Variants in ACOX2 observed in about 807,000 individuals in gnomAD.
The protein encoded by ACOX2 is peroxisomal acyl-coenzyme A oxidase 2.
A neutral mutation model predicts 77.5 loss-of-function variants in ACOX2; 59 were observed. The observed-to-expected ratio is 0.76, with a 90% CI of 0.62 to 0.95. The LOEUF is 0.95. Ranked by LOEUF, ACOX2 falls within the 40% of genes least tolerant of loss-of-function variation. The pLI is 0.00. For synonymous variants in ACOX2, 317 were observed against 340.1 expected (o/e 0.93, Z 0.75); for missense variants, 837 against 880.4 (o/e 0.95, Z 0.62).
chr3:58,519,464 G>A lies in ACOX2; in HGVS notation c.1633-2041C>T, dbSNP rs1374098753. ...TTGGGGGAAAGGTCATTCCAGGCAG[G>A]GGGAGCTTTATGTGCAAAAGGCTGT... On this transcript the variant is annotated intron_variant, in intron 12 of 14. Transcript: ENST00000302819. This position sits in a 1 kb window ranked among gnomAD's most constrained non-coding sequence, Gnocchi z 5.0. Among the ~76,000 whole-genome samples the A allele has an allele frequency of 6.6e-6, 1 of 152,142 alleles. No individual in the cohort carries two copies. Among genetic ancestry groups the A allele is most frequent in the African/African-American group, 2.4e-5 (1 of 41,426 alleles).
rs145687445 is a variant in ACOX2, at chr3:58,533,646, C to T, written c.476-94G>A. 541 of 1,172,394 alleles carry T rather than the reference C, an allele frequency of 4.6e-4. No homozygotes were observed. Among genetic ancestry groups the T allele is most frequent in the Middle Eastern group, 4.2e-3 (21 of 4,978 alleles). 72.6% of individuals were successfully genotyped at this position (1,172,394 alleles called of 1,614,324 possible). ...GTGGGTCTGAACTCTTAGGCATCAG[C>T]GCAGTATGGAGTGGGGCCCAGCTCC... On this transcript the variant is annotated intron_variant, in intron 4 of 14. Coordinates refer to ENST00000302819, the MANE Select transcript of ACOX2 (RefSeq NM_003500.4). This position sits in a 1 kb window ranked among gnomAD's most constrained non-coding sequence, Gnocchi z 5.6.
At chr3:58,529,701 C>T (rs2063422687) in intron 8 of ACOX2, among the ~76,000 whole-genome samples, 2 of 152,204 alleles carry the variant, frequency 1.3e-5, no homozygotes, top group Admixed American at 6.5e-5. Context: ...GAAGCCCAGG[C>T]CAGGCGAGGG....
At chr3:58,532,855 C>T (rs1004245446) in intron 5 of ACOX2, among the ~76,000 whole-genome samples, 4 of 152,170 alleles carry the variant, frequency 2.6e-5, no homozygotes, top group Non-Finnish European at 5.9e-5. Context: ...GTGAAATTCT[C>T]AAGTTTGAGG....
Position 58,531,292 on chromosome 3 carries a change from C to T in ACOX2, c.778G>A (p.Val260Met). 2 of 1,613,570 alleles carry T rather than the reference C, an allele frequency of 1.2e-6. No individual in the cohort carries two copies. Among genetic ancestry groups the T allele is most frequent in the Non-Finnish European group, 8.5e-7 (1 of 1,180,020 alleles). ...TDNGFLQLNH[V>M]RVPRENMLSR... ...AGCATGTTCTCCCTGGGGACCCGCA[C>T]ATGGTTCAGCTGCAGGAAGCCATTG... Residue 260 changes from valine to methionine, a missense_variant, in exon 7 of 15, where the codon GTG (valine) becomes ATG (methionine). Transcript: ENST00000302819. This position sits in a 1 kb window ranked among gnomAD's most constrained non-coding sequence, Gnocchi z 5.8.
At chr3:58,513,633 GT>G (rs149453487) in intron 13 of ACOX2, among the ~76,000 whole-genome samples, 44 of 142,064 alleles carry the variant, frequency 3.1e-4, no homozygotes, top group East Asian at 1.0e-3. Flanking sequence ...AGATATCACT[GT>G]TTTTTTTTTT....
rs1444995459 is a variant in ACOX2 at position 58,528,425 on chromosome 3, C to A, written c.1155+369G>T. On this transcript the variant is annotated intron_variant, in intron 9 of 14. Coordinates refer to ENST00000302819, the MANE Select transcript of ACOX2 (RefSeq NM_003500.4). The surrounding 1 kb of genome is among the most constrained non-coding windows in gnomAD (Gnocchi z 5.6). ...ATTAAACACATTAATAATTTTACTGCAAAATGTATTCACACTCAGAGGGAT... is the reference window on the plus strand; with the variant it reads ...ATTAAACACATTAATAATTTTACTGAAAAATGTATTCACACTCAGAGGGAT... Among the ~76,000 whole-genome samples, 2 of 152,170 alleles carry A rather than the reference C, an allele frequency of 1.3e-5. No homozygotes were observed. The highest frequency in any genetic ancestry group is 2.9e-5 in the Non-Finnish European group (2 of 68,032).
In ACOX2 at chr3:58,524,120, G is replaced by C. The variant is rs2063377809; in HGVS notation, c.1526+306C>G. 6.6e-6 allele frequency among the ~76,000 whole-genome samples: 1 copy of C among 152,056 alleles called. No individual in the cohort carries two copies. The highest frequency in any genetic ancestry group is 1.5e-5 in the Non-Finnish European group (1 of 68,016). ...AATACATTTGGAGTATTTACATATG[G>C]GTACATTCGTTGTATTGCAAATCAC... On this transcript the variant is annotated intron_variant, in intron 11 of 14. Transcript: ENST00000302819. This position sits in a 1 kb window ranked among gnomAD's most constrained non-coding sequence, Gnocchi z 5.5.
rs542993646 is a variant in ACOX2, at chr3:58,524,592, T to C, written c.1360A>G (p.Ser454Gly). The change falls in exon 11 of 15, where the codon AGC becomes GGC. Residue 454 changes from serine (S) to glycine (G), a missense_variant. Transcript: ENST00000302819. This position sits in a 1 kb window ranked among gnomAD's most constrained non-coding sequence, Gnocchi z 5.5. Reference sequence around the variant, plus strand: ...GGGGACATCTGAGTCTGCAGGTAGCTCTTCACCAGGAACCTGGGGGTTGGA... The same window carrying C: ...GGGGACATCTGAGTCTGCAGGTAGCCCTTCACCAGGAACCTGGGGGTTGGA... The part of the protein sequence containing the change: ...YLQVARFLVK[S>G]YLQTQMSPGS... 13 of 1,613,954 alleles carry C rather than the reference T, an allele frequency of 8.1e-6. No homozygotes were observed. The African/African-American group carries it at 1.7e-4, about 22-fold the overall frequency.
In ACOX2 at chr3:58,534,931, C is replaced by T. The variant is rs530622705; in HGVS notation, c.160+16G>A. 1 of 1,613,980 alleles carries T rather than the reference C, an allele frequency of 6.2e-7. No homozygotes were observed. Among genetic ancestry groups the T allele is most frequent in the Non-Finnish European group, 8.5e-7 (1 of 1,179,850 alleles). On this transcript the variant is annotated intron_variant, in intron 2 of 14. Transcript: ENST00000302819. The surrounding 1 kb of genome is among the most constrained non-coding windows in gnomAD (Gnocchi z 4.8). ...GGGGCATAAAACAGATGTCCCATTCCCCAGCTTCCCCTTACCAACTTTCCT... is the reference window on the plus strand; with the variant it reads ...GGGGCATAAAACAGATGTCCCATTCTCCAGCTTCCCCTTACCAACTTTCCT...
rs1237631666 is a variant in ACOX2 at position 58,524,856 on chromosome 3, C to G, written c.1347-251G>C. Among the ~76,000 whole-genome samples, 1 of 152,206 alleles carries G rather than the reference C, an allele frequency of 6.6e-6. No homozygotes were observed. Among genetic ancestry groups the G allele is most frequent in the African/African-American group, 2.4e-5 (1 of 41,448 alleles). On this transcript the variant is annotated intron_variant, in intron 10 of 14. Coordinates refer to ENST00000302819, the MANE Select transcript of ACOX2 (RefSeq NM_003500.4). The surrounding 1 kb of genome is among the most constrained non-coding windows in gnomAD (Gnocchi z 5.5). ...ACACTCTCTGATCCTGAACATAAAC[C>G]CTTCTGTGATCTGAGCAAACAGAAT...
chr3:58,535,260 C>T lies in ACOX2; in HGVS notation c.-91-63G>A, dbSNP rs1329744624. 3 of 889,084 alleles carry T rather than the reference C, an allele frequency of 3.4e-6. No individual in the cohort carries two copies. Among genetic ancestry groups the T allele is most frequent in the African/African-American group, 3.3e-5 (2 of 60,708 alleles). 55.1% of individuals were successfully genotyped at this position (889,084 alleles called of 1,614,324 possible). A position where few individuals can be genotyped will look rare whatever the true frequency, so the allele number is the denominator to read the frequency against. ...CCAGGGCTGGTTGGTAGAAGAAAGACATCCCTAAGTACCTGAATGCCACTC... is the reference window on the plus strand; with the variant it reads ...CCAGGGCTGGTTGGTAGAAGAAAGATATCCCTAAGTACCTGAATGCCACTC... On this transcript the variant is annotated intron_variant, in intron 1 of 14. Transcript: ENST00000302819. The surrounding 1 kb of genome is among the most constrained non-coding windows in gnomAD (Gnocchi z 4.8).
rs113839291 is a variant in ACOX2 at position 58,532,253 on chromosome 3, G to GT, written c.584-442dup. Among the ~76,000 whole-genome samples, 44 of 152,152 alleles carry GT rather than the reference G, an allele frequency of 2.9e-4. 1 individual carries two copies. Among genetic ancestry groups the GT allele is most frequent in the Middle Eastern group, 3.4e-3 (1 of 294 alleles). ...GGAGGGGCAGAGCTAGGATTCATCT[G>GT]TACCCTGGTCTGTCTGATCTAAAAG... On this transcript the variant is annotated intron_variant, in intron 5 of 14. Transcript: ENST00000302819.
At position 58,526,460 on chromosome 3, in the gene ACOX2, C is replaced by T; in HGVS notation, c.1346+6G>A. The T allele has an allele frequency of 6.2e-7, 1 of 1,609,124 alleles. No homozygotes were observed. The highest frequency in any genetic ancestry group is 1.7e-5 in the Admixed American group (1 of 59,652). Reference sequence around the variant, plus strand: ...GGGCAAAGGCCTGGGTCAGCCTGGACCTTACCTGGCCACCTGCAGGTAGAG... The same window carrying T: ...GGGCAAAGGCCTGGGTCAGCCTGGATCTTACCTGGCCACCTGCAGGTAGAG... On this transcript the variant is annotated splice_donor_region_variant and intron_variant, in intron 10 of 14. Transcript: ENST00000302819. The surrounding 1 kb of genome is among the most constrained non-coding windows in gnomAD (Gnocchi z 4.3).
chr3:58,529,214 C>T lies in ACOX2; in HGVS notation c.993-258G>A, dbSNP rs1283451146. 17 of 316,902 alleles carry T rather than the reference C, an allele frequency of 5.4e-5. No homozygotes were observed. In the East Asian group the frequency reaches 8.8e-4, roughly 16 times the overall value. 19.6% of individuals were successfully genotyped at this position (316,902 alleles called of 1,614,324 possible). ...GAGGCTTATAGAATTCCAGCATATA[C>T]ACAGTATTATCCTAAAACCTGAAAA... On this transcript the variant is annotated intron_variant, in intron 8 of 14. Coordinates refer to ENST00000302819, the MANE Select transcript of ACOX2 (RefSeq NM_003500.4).
chr3:58,517,395 C>A lies in ACOX2; in HGVS notation c.1661G>T (p.Gly554Val). ...KVHCYYVTVK[G>V]FTEALEKLEN... ...TAGTTTCTCCAGAGCTTCTGTAAAA[C>A]CCTTCACAGTGACATAGTAGCAGTG... The change falls in exon 13 of 15, where the codon GGT (glycine) becomes GTT (valine). Residue 554 changes from glycine (G) to valine (V), a missense_variant. Gly to Val is a moderately radical substitution (Grantham distance 109). Coordinates refer to ENST00000302819, the MANE Select transcript of ACOX2 (RefSeq NM_003500.4). 2 of 1,614,158 alleles carry A rather than the reference C, an allele frequency of 1.2e-6. No individual in the cohort carries two copies. The highest frequency in any genetic ancestry group is 1.7e-6 in the Non-Finnish European group (2 of 1,180,028).
chr3:58,537,032 C>T (rs964277660), intron 1 of ACOX2, 87 bp downstream of exon 1: 1 of 152,430 alleles, frequency 6.6e-6, no homozygotes, highest in African/African-American at 2.4e-5. Flanking sequence ...TGCTCAGGGT[C>T]TCTCGGAGCT....
At position 58,512,340 on chromosome 3, in the gene ACOX2, A is replaced by G. The variant is rs1302038330; in HGVS notation, c.1851-3315T>C. On this transcript the variant is annotated intron_variant, in intron 13 of 14. Transcript: ENST00000302819. The surrounding 1 kb of genome is among the most constrained non-coding windows in gnomAD (Gnocchi z 4.8). The stretch of plus-strand genomic sequence containing the variant: ...TCCAGCACTGTCACTGCTCCAATCC[A>G]CTATCATCACTCACTTGGATGATTG... 1.3e-5 allele frequency among the ~76,000 whole-genome samples: 2 copies of G among 152,106 alleles called. No individual in the cohort carries two copies. Among genetic ancestry groups the G allele is most frequent in the Admixed American group, 6.6e-5 (1 of 15,266 alleles).
intron 13 of ACOX2, among the ~76,000 whole-genome samples, chr3:58,510,663 AATATAT>A (rs1364040351): frequency 7.4e-3 from 106 of 14,320 alleles, no homozygotes; most frequent in Non-Finnish European, 9.1e-3. Context: ...AAAAAAAAAA[AATATAT>A]ATATATATAT....
chr3:58,507,843 T>G (rs1001684843), intron 14 of ACOX2, among the ~76,000 whole-genome samples: 3 of 152,206 alleles, frequency 2.0e-5, no homozygotes, highest in Admixed American at 2.0e-4. Context: ...CATGTTAAAT[T>G]AAGCCATGTG....
Sources: gnomAD v4.1 joint callset for allele counts (sites outside exome capture counted in the v4.1 genomes callset) on GRCh38, gnomAD v4.1.1 for gene constraint, Gnocchi (gnomAD v3.1) non-coding constraint, MANE v1.5 for transcripts, NCBI Gene and HGNC (gene_info 2026-07-23, HGNC 2026-07-21) for gene names.